DDHD1: variants seen among roughly 807,000 people sequenced by gnomAD.
The protein encoded by DDHD1 is DDHD domain containing 1.
DDHD1 carries 49 observed loss-of-function variants against 96.4 expected under a neutral mutation model. That is an observed-to-expected ratio of 0.51 (90% CI 0.40 to 0.64). The LOEUF (loss-of-function observed/expected upper bound fraction) is 0.64. DDHD1 is among the 30% of genes least tolerant of loss of function. The probability of loss-of-function intolerance (pLI) is 0.00; values close to 1 mark genes in which losing one functional copy is unlikely to be tolerated. For missense variants in DDHD1, 1,106 were observed against 1,161.2 expected, an observed-to-expected ratio of 0.95 and a Z score of 0.69; for synonymous variants, 442 against 446.5, an observed-to-expected ratio of 0.99 and a Z score of 0.13.
At position 53,140,102 on chromosome 14, in the gene DDHD1, G is replaced by T. The variant is rs1253794444; in HGVS notation, c.838+12159C>A. Among the ~76,000 whole-genome samples, 6 of 151,896 alleles carry T rather than the reference G, an allele frequency of 4.0e-5. No homozygotes were observed. The South Asian group carries it at 1.2e-3, about 32-fold the overall frequency. ...AGCTGAGGAAAGAATCAGTAAACTT[G>T]AAAATAAGTTAATAAAAATTATGCA... On this transcript the variant is annotated intron_variant, in intron 1 of 12. Coordinates refer to ENST00000673822, the MANE Select transcript of DDHD1 (RefSeq NM_001160148.2).
At chr14:53,056,672 G>T (rs968867533) in intron 9 of DDHD1, among the ~76,000 whole-genome samples, 4 of 152,084 alleles carry the variant, frequency 2.6e-5, no homozygotes, top group Non-Finnish European at 5.9e-5. Flanking sequence ...GTAGAAAGGA[G>T]GTAACACTTC....
At chr14:53,076,250 G>C (rs1483861026) in intron 4 of DDHD1, among the ~76,000 whole-genome samples, 1 of 152,118 alleles carries the variant, frequency 6.6e-6, no homozygotes, top group African/African-American at 2.4e-5. Flanking sequence ...CATGGGGGGT[G>C]AAAATATCAA....
At chr14:53,107,545 C>A (rs1887782572) in intron 1 of DDHD1, among the ~76,000 whole-genome samples, 1 of 152,176 alleles carries the variant, frequency 6.6e-6, no homozygotes, top group Admixed American at 6.5e-5. Context: ...AATCCCAGTA[C>A]TTTGGGAGGC....
At chr14:53,117,280 C>A (rs1460857799) in intron 1 of DDHD1, among the ~76,000 whole-genome samples, 6 of 152,136 alleles carry the variant, frequency 3.9e-5, no homozygotes, top group South Asian at 2.1e-4. Context: ...TGGTTCATCT[C>A]ATTGGGACTG....
chr14:53,147,655 G>A (rs951511687), intron 1 of DDHD1, among the ~76,000 whole-genome samples: 15 of 152,142 alleles, frequency 9.9e-5, no homozygotes, highest in African/African-American at 3.6e-4. Flanking sequence ...CTTGATCTAG[G>A]ATGAGGTGGG....
intron 4 of DDHD1, among the ~76,000 whole-genome samples, chr14:53,075,995 CAA>C (rs1884928157): frequency 6.6e-6 from 1 of 152,154 alleles, no homozygotes; most frequent in Admixed American, 6.5e-5. Context: ...CCTGGTCACT[CAA>C]GAGCTCTGAT....
In DDHD1 at chr14:53,044,142, CACAG is replaced by C. The variant is rs1368212128; in HGVS notation, c.*2622_*2625del. ...TACAAATACATCCAATGTTAACATG[CACAG>C]ACATAGAAACAAGGATACTACAAAA... On this transcript the variant is annotated 3_prime_UTR_variant, in exon 13 of 13. Coordinates refer to ENST00000673822, the MANE Select transcript of DDHD1 (RefSeq NM_001160148.2). 3 of 152,116 alleles carry C rather than the reference CACAG, an allele frequency of 2.0e-5. No individual in the cohort carries two copies. The highest frequency in any genetic ancestry group is 4.8e-5 in the African/African-American group (2 of 41,428). 9.4% of individuals were successfully genotyped at this position (152,116 alleles called of 1,614,324 possible).
intron 4 of DDHD1, among the ~76,000 whole-genome samples, chr14:53,090,251 T>C (rs539194760): frequency 7.7e-4 from 117 of 152,244 alleles, no homozygotes; most frequent in African/African-American, 2.8e-3. Context: ...TGTGGAGAAA[T>C]AGGAACACTT....
chr14:53,139,644 C>A (rs951522094), intron 1 of DDHD1, among the ~76,000 whole-genome samples: 3 of 152,054 alleles, frequency 2.0e-5, no homozygotes, highest in African/African-American at 7.3e-5. Flanking sequence ...TGAGATCATG[C>A]CACTGCACTC....
chr14:53,049,657 C>CAAAAAAAAAAAAAAAAAAAAAAAAAA (rs11323291), intron 12 of DDHD1, among the ~76,000 whole-genome samples: 1 of 84,720 alleles, frequency 1.2e-5, no homozygotes, highest in Non-Finnish European at 2.3e-5. Context: ...TGAGCTAGGT[C>CAAAAAAAAAAAAAAAAAAAAAAAAAA]AAAAAAAAAA....
chr14:53,058,428 T>C (rs1595095795), intron 9 of DDHD1, 49 bp downstream of exon 9: 1 of 1,562,202 alleles, frequency 6.4e-7, no homozygotes, highest in Non-Finnish European at 8.7e-7. Context: ...AGATTCTTTT[T>C]AGGAACAATT....
chr14:53,128,312 A>G (rs984172230), intron 1 of DDHD1, among the ~76,000 whole-genome samples: 2 of 152,210 alleles, frequency 1.3e-5, no homozygotes, highest in East Asian at 1.9e-4. Flanking sequence ...AAAATACCAT[A>G]AAGTTGGTAG....
chr14:53,078,063 C>T (rs929072331), intron 4 of DDHD1, among the ~76,000 whole-genome samples: 1 of 152,080 alleles, frequency 6.6e-6, no homozygotes, highest in African/African-American at 2.4e-5. Context: ...CATTTTTGGG[C>T]TATCATGAAT....
In DDHD1 at chr14:53,152,699, C is replaced by A; in HGVS notation, c.400G>T (p.Gly134Cys). ...TCCCCGGGGGACCCTCCTGTCGCGCCGCCGCCCCCCGAGTTCGTCGGGACC... is the reference window on the plus strand; with the variant it reads ...TCCCCGGGGGACCCTCCTGTCGCGCAGCCGCCCCCCGAGTTCGTCGGGACC... ...PLVPTNSGGG[G>C]ATGGSPGERK... Residue 134 changes from glycine to cysteine, a missense_variant, in exon 1 of 13, where the codon GGC becomes TGC. Gly to Cys is a radical substitution (Grantham distance 159). Around this residue, in one of 2 missense-constraint regions of DDHD1, gnomAD observed 456 missense variants for 402.4 expected, o/e 1.13. Transcript: ENST00000673822. 6.2e-7 allele frequency: 1 copy of A among 1,610,956 alleles called. No homozygotes were observed. Among genetic ancestry groups the A allele is most frequent in the Non-Finnish European group, 8.5e-7 (1 of 1,178,974 alleles).
intron 4 of DDHD1, among the ~76,000 whole-genome samples, chr14:53,080,874 G>A (rs1885415426): frequency 6.6e-6 from 1 of 151,932 alleles, no homozygotes; most frequent in African/African-American, 2.4e-5. Flanking sequence ...TAGGACTATA[G>A]GCATGTGCTA....
chr14:53,084,883 G>A (rs745469503), intron 4 of DDHD1, among the ~76,000 whole-genome samples: 3 of 152,222 alleles, frequency 2.0e-5, no homozygotes, highest in Admixed American at 1.3e-4. Context: ...AAGGGAAGCC[G>A]TGACAGACTG....
chr14:53,137,674 A>G (rs1890335771), intron 1 of DDHD1, among the ~76,000 whole-genome samples: 1 of 152,248 alleles, frequency 6.6e-6, no homozygotes, highest in Non-Finnish European at 1.5e-5. Context: ...AGAGTTGTTA[A>G]GCAATATCAA....
chr14:53,047,649 GA>G (rs1231108950), intron 12 of DDHD1, among the ~76,000 whole-genome samples: 8 of 152,110 alleles, frequency 5.3e-5, no homozygotes, highest in African/African-American at 1.7e-4. Flanking sequence ...TGGGAGGAAG[GA>G]CTTTGCTTAT....
rs1889654741 is a variant in DDHD1, at chr14:53,128,857, G to T, written c.838+23404C>A. Among the ~76,000 whole-genome samples the T allele has an allele frequency of 3.3e-5, 5 of 152,158 alleles. No individual in the cohort carries two copies. In the South Asian group the frequency reaches 1.0e-3, roughly 32 times the overall value. ...ACAAAAGATAACATTCCACCATTGT[G>T]ATATGTTCCTGCCCCACCCTAACTG... On this transcript the variant is annotated intron_variant, in intron 1 of 12. Transcript: ENST00000673822.
Sources: allele counts gnomAD v4.1 joint callset (sites outside exome capture counted in the v4.1 genomes callset), GRCh38; gene constraint gnomAD v4.1.1; regional missense constraint gnomAD v4.1.1; transcripts MANE v1.5; gene names NCBI Gene and HGNC (gene_info 2026-07-23, HGNC 2026-07-21).